The following PRKCH variants were observed in gnomAD, a reference collection of about 807,000 sequenced individuals.
PRKCH encodes the protein protein kinase C eta type.
Under a neutral mutation model 82.5 loss-of-function variants are expected in PRKCH, and 28 were observed. The observed-to-expected ratio is 0.34, with a 90% CI of 0.25 to 0.47. The LOEUF is 0.47. Among genes scored for constraint, PRKCH ranks in the 20% least tolerant of loss-of-function variants. PRKCH has a pLI of 1.00. For synonymous variants in PRKCH, 322 were observed against 327.4 expected, an observed-to-expected ratio of 0.98 and a Z score of 0.18; for missense variants, 705 against 881.8, an observed-to-expected ratio of 0.80 and a Z score of 2.54.
At chr14:61,494,577 A>G (rs1886584007) in intron 10 of PRKCH, among the ~76,000 whole-genome samples, 1 of 152,240 alleles carries the variant, frequency 6.6e-6, no homozygotes, top group South Asian at 2.1e-4. Context: ...CCATTGACAC[A>G]GCTTCCCAGC....
chr14:61,333,580 G>A (rs2045816741), intron 1 of PRKCH, among the ~76,000 whole-genome samples: 1 of 151,812 alleles, frequency 6.6e-6, no homozygotes, highest in African/African-American at 2.4e-5. Context: ...TCTCACTTAT[G>A]GCTTCTGGTG....
At chr14:61,340,734 C>T (rs1363635944) in intron 1 of PRKCH, among the ~76,000 whole-genome samples, 3 of 152,162 alleles carry the variant, frequency 2.0e-5, no homozygotes, top group Non-Finnish European at 4.4e-5. Context: ...GCTTGGACAT[C>T]CTTTAGGCAT....
At position 61,220,298 on chromosome 14, in the gene PRKCH, T is replaced by C. The variant is rs190301116; in HGVS notation, c.-19+32630T>C. On this transcript the variant is annotated intron_variant, in intron 1 of 3. Transcript: ENST00000555185. Reference sequence around the variant, plus strand: ...AGGTGTACACCCAAGAGGGGAACTTTTTTGATCACCTCGGCCAGAGCTATA... The same window carrying C: ...AGGTGTACACCCAAGAGGGGAACTTCTTTGATCACCTCGGCCAGAGCTATA... Among the ~76,000 whole-genome samples the C allele has an allele frequency of 1.8e-3, 267 of 152,302 alleles. 5 individuals carry two copies. In the Middle Eastern group the frequency reaches 0.034, roughly 19 times the overall value.
At chr14:61,432,109 T>C (rs996998717) in intron 2 of PRKCH, among the ~76,000 whole-genome samples, 2 of 152,008 alleles carry the variant, frequency 1.3e-5, no homozygotes, top group African/African-American at 4.8e-5. Context: ...AATTTTAACA[T>C]GTCTGTGTAA....
At chr14:61,322,988 G>A (rs916719158) in intron 1 of PRKCH, among the ~76,000 whole-genome samples, 20 of 151,338 alleles carry the variant, frequency 1.3e-4, no homozygotes, top group Non-Finnish European at 2.9e-5. Flanking sequence ...AGCTACACTG[G>A]CAGGGAAATG....
At chr14:61,535,905 T>A (rs961259496) in intron 12 of PRKCH, among the ~76,000 whole-genome samples, 2 of 152,226 alleles carry the variant, frequency 1.3e-5, no homozygotes, top group African/African-American at 4.8e-5. Flanking sequence ...AGGGTCTGTG[T>A]TACTGTCGTC....
rs1380365861 is a variant in PRKCH at position 61,450,730 on chromosome 14, C to G, written c.703-112C>G. The G allele has an allele frequency of 1.8e-5, 23 of 1,268,418 alleles. No homozygotes were observed. The Admixed American group carries it at 3.3e-4, about 18-fold the overall frequency. 78.6% of individuals were successfully genotyped at this position (1,268,418 alleles called of 1,614,324 possible). ...GGCTGAGTACAGTAAAATAATATAC[C>G]TAGCTCAGGTGTCATAGTGACACTT... On this transcript the variant is annotated intron_variant, in intron 5 of 13. Transcript: ENST00000332981.
intron 1 of PRKCH, among the ~76,000 whole-genome samples, chr14:61,292,462 G>A (rs2140099259): frequency 6.6e-6 from 1 of 151,660 alleles, no homozygotes; most frequent in East Asian, 1.9e-4. Context: ...AGCCTGGGCA[G>A]TGAGACCCTG....
At chr14:61,412,462 T>C (rs1179935128) in intron 2 of PRKCH, among the ~76,000 whole-genome samples, 1 of 152,194 alleles carries the variant, frequency 6.6e-6, no homozygotes, top group East Asian at 1.9e-4. Flanking sequence ...CCTGCTAATT[T>C]ATCTGAACCA....
intron 2 of PRKCH, among the ~76,000 whole-genome samples, chr14:61,437,289 T>C (rs1883724698): frequency 6.6e-6 from 1 of 152,226 alleles, no homozygotes; most frequent in South Asian, 2.1e-4. Flanking sequence ...GTGTTTTTGA[T>C]GATGTTAAGC....
At chr14:61,218,435 A>T (rs1443280366) in intron 1 of PRKCH, among the ~76,000 whole-genome samples, 1 of 152,176 alleles carries the variant, frequency 6.6e-6, no homozygotes, top group East Asian at 1.9e-4. Context: ...CATTGTTGGG[A>T]TAAGAAGCTT....
At chr14:61,368,689 G>A (rs959712261) in intron 1 of PRKCH, among the ~76,000 whole-genome samples, 1 of 152,124 alleles carries the variant, frequency 6.6e-6, no homozygotes, top group African/African-American at 2.4e-5. Flanking sequence ...GGAATGTGCT[G>A]TGAAAGTTGG....
At chr14:61,403,564 G>A (rs1014969940) in intron 2 of PRKCH, among the ~76,000 whole-genome samples, 19 of 152,340 alleles carry the variant, frequency 1.2e-4, no homozygotes, top group African/African-American at 3.6e-4. Context: ...TCAGAAGCCT[G>A]TGGTGGTTTC....
At chr14:61,236,710 C>CAAAAAAAAAAAAAAA (rs35185475) in intron 1 of PRKCH, among the ~76,000 whole-genome samples, 6 of 87,674 alleles carry the variant, frequency 6.8e-5, no homozygotes, top group African/African-American at 1.0e-4. Flanking sequence ...TGTCTCAAAA[C>CAAAAAAAAAAAAAAA]AAAAAAAAAA....
chr14:61,223,419 T>C (rs80219890), intron 1 of PRKCH, among the ~76,000 whole-genome samples: 1,646 of 152,344 alleles, frequency 0.011, 20 homozygotes, highest in African/African-American at 0.038. Context: ...CTAGGTAGAC[T>C]AAAGTGTCTT....
At chr14:61,542,348 C>A (rs1404551405) in intron 12 of PRKCH, among the ~76,000 whole-genome samples, 1 of 142,744 alleles carries the variant, frequency 7.0e-6, no homozygotes, top group Non-Finnish European at 1.5e-5. Flanking sequence ...TTAAGATTGT[C>A]TTAGAAAAGG....
intron 1 of PRKCH, among the ~76,000 whole-genome samples, chr14:61,253,986 C>CTCCCTCT (rs1445944998): frequency 7.2e-4 from 78 of 107,952 alleles, no homozygotes; most frequent in Middle Eastern, 4.5e-3. Context: ...CTCCTCCCTC[C>CTCCCTCT]CTCCCTCCCT....
At chr14:61,419,408 A>T (rs1882718573) in intron 2 of PRKCH, among the ~76,000 whole-genome samples, 1 of 152,222 alleles carries the variant, frequency 6.6e-6, no homozygotes, top group Admixed American at 6.5e-5. Context: ...TTCTTGTTGT[A>T]GAAGCTGTTG....
rs2046145170 is a variant in PRKCH, at chr14:61,356,130, G to A, written c.363+33666G>A. On this transcript the variant is annotated intron_variant, in intron 1 of 13. Transcript: ENST00000332981. The stretch of plus-strand genomic sequence containing the variant: ...TCATGGAAAGATGACAACTCATCCA[G>A]GGTGAAAGAGGAAGTGGAGGGGGGT... Among the ~76,000 whole-genome samples the A allele has an allele frequency of 2.0e-5, 3 of 152,202 alleles. No homozygotes were observed. In the South Asian group the frequency reaches 6.2e-4, roughly 32 times the overall value.
Sources: gnomAD v4.1 joint callset for allele counts (sites outside exome capture counted in the v4.1 genomes callset) on GRCh38, gnomAD v4.1.1 for gene constraint, MANE v1.5 for transcripts, NCBI Gene and HGNC (gene_info 2026-07-23, HGNC 2026-07-21) for gene names.